The following CYFIP1 variants were observed in gnomAD, a reference collection of about 807,000 sequenced individuals.
The protein encoded by CYFIP1 is cytoplasmic FMR1-interacting protein 1.
In CYFIP1, 58 loss-of-function variants were observed where a neutral mutation model predicts 163.5. The ratio of observed to expected loss-of-function variants is 0.35; its 90% confidence interval spans 0.29 to 0.44. The LOEUF (loss-of-function observed/expected upper bound fraction) is 0.44. Ranked by LOEUF, CYFIP1 falls within the 20% of genes least tolerant of loss-of-function variation. The pLI, the probability that CYFIP1 is intolerant of heterozygous loss-of-function variation, is 1.00. For missense variants in CYFIP1, 1,338 were observed against 1,653.8 expected (o/e 0.81, Z 3.31); for synonymous variants, 663 against 660.7 (o/e 1.00, Z -0.05).
intron 25 of CYFIP1, among the ~76,000 whole-genome samples, chr15:22,880,894 C>T (rs970695200): frequency 6.6e-6 from 1 of 152,290 alleles, no homozygotes; most frequent in East Asian, 1.9e-4. Context: ...GCAAGCTTTC[C>T]CTGTACCACA....
intron 20 of CYFIP1, among the ~76,000 whole-genome samples, chr15:22,909,604 C>T (rs957052018): frequency 6.6e-6 from 1 of 152,032 alleles, no homozygotes; most frequent in Admixed American, 6.6e-5. Flanking sequence ...TGAAAATGTC[C>T]AAAAATGTGC....
intron 1 of CYFIP1, chr15:22,947,939 C>T (rs2062115659): frequency 2.0e-6 from 2 of 985,424 alleles, no homozygotes; most frequent in Non-Finnish European, 2.4e-6. Flanking sequence ...GGAGAGGGGG[C>T]AATCTGCCTT....
chr15:22,928,937 G>A (rs1233590634), intron 11 of CYFIP1, among the ~76,000 whole-genome samples: 1 of 151,764 alleles, frequency 6.6e-6, no homozygotes, highest in Non-Finnish European at 1.5e-5. Flanking sequence ...TCTGAGTGAG[G>A]GGCCCGGTGC....
At chr15:22,890,591 T>G (rs1346988176) in intron 23 of CYFIP1, among the ~76,000 whole-genome samples, 1 of 152,184 alleles carries the variant, frequency 6.6e-6, no homozygotes, top group Non-Finnish European at 1.5e-5. Context: ...ACACGAACTG[T>G]GTGTCCACTC....
In CYFIP1 at chr15:22,917,650, A is replaced by G. The variant is rs1595596708; in HGVS notation, c.1674+138T>C. 3 of 1,086,302 alleles carry G rather than the reference A, an allele frequency of 2.8e-6. No individual in the cohort carries two copies. Among genetic ancestry groups the G allele is most frequent in the South Asian group, 3.4e-5 (2 of 59,172 alleles). 67.3% of individuals were successfully genotyped at this position (1,086,302 alleles called of 1,614,324 possible). On this transcript the variant is annotated intron_variant, in intron 15 of 30. Transcript: ENST00000617928. This position sits in a 1 kb window ranked among gnomAD's most constrained non-coding sequence, Gnocchi z 4.2. The stretch of plus-strand genomic sequence containing the variant: ...GGGTGGGAAACAGAGGAGCAGCAGA[A>G]ACCACAGGCGCCACTTTCTCTGCCT...
chr15:22,969,885 A>C (rs1254905041), intron 1 of CYFIP1, among the ~76,000 whole-genome samples: 1 of 152,210 alleles, frequency 6.6e-6, no homozygotes, highest in African/African-American at 2.4e-5. Context: ...TATTAGACAA[A>C]ACAGACCTGC....
chr15:22,923,099 A>AC (rs1216564398), intron 13 of CYFIP1, among the ~76,000 whole-genome samples: 15 of 152,314 alleles, frequency 9.8e-5, no homozygotes, highest in African/African-American at 3.6e-4. Context: ...ATAAGCAACG[A>AC]AAGAAAAACA....
intron 23 of CYFIP1, among the ~76,000 whole-genome samples, chr15:22,892,060 G>A (rs913028665): frequency 2.6e-5 from 4 of 152,182 alleles, no homozygotes. Context: ...GGACACCGCA[G>A]CTCGCAGAGG....
chr15:22,895,873 G>C (rs1184021284), intron 22 of CYFIP1, among the ~76,000 whole-genome samples: 2 of 152,220 alleles, frequency 1.3e-5, no homozygotes, highest in East Asian at 3.8e-4. Flanking sequence ...TCCCACCTCA[G>C]AGCTCGGAGG....
intron 28 of CYFIP1, 90 bp from the exon 29 acceptor site, chr15:22,873,819 T>C: frequency 8.5e-7 from 1 of 1,183,384 alleles, no homozygotes; most frequent in Non-Finnish European, 1.2e-6. Flanking sequence ...TGAGACAGGG[T>C]CTTGCTCTGC....
chr15:22,883,803 C>T (rs147652552), intron 23 of CYFIP1, among the ~76,000 whole-genome samples: 2,163 of 116,254 alleles, frequency 0.019, 19 homozygotes, highest in Middle Eastern at 0.026. Context: ...GGTGACAGAA[C>T]GAGACTTCAT....
intron 18 of CYFIP1, 34 bp from the exon 19 acceptor site, chr15:22,910,847 T>C (rs773203218): frequency 8.3e-6 from 13 of 1,560,370 alleles, no homozygotes; most frequent in Non-Finnish European, 1.1e-5. Context: ...TACAGTTTGA[T>C]TCCCTAAAGC....
intron 30 of CYFIP1, among the ~76,000 whole-genome samples, chr15:22,871,396 CTAA>C (rs2059429952): frequency 6.6e-6 from 1 of 152,156 alleles, no homozygotes; most frequent in Non-Finnish European, 1.5e-5. Flanking sequence ...AAAAAGTGAA[CTAA>C]TAATATTTTC....
chr15:22,951,401 C>G, intron 1 of CYFIP1: 4 of 1,288,706 alleles, frequency 3.1e-6, no homozygotes, highest in Non-Finnish European at 4.0e-6. Context: ...GTGCAGGGTC[C>G]AGCCCCAGCG....
intron 17 of CYFIP1, among the ~76,000 whole-genome samples, chr15:22,913,436 G>A (rs1390530097): frequency 1.4e-5 from 2 of 141,226 alleles, no homozygotes; most frequent in African/African-American, 5.3e-5. Flanking sequence ...GCTGAGGCCG[G>A]AGAATTGCTT....
chr15:22,925,870 A>G (rs938710814), intron 13 of CYFIP1, 112 bp downstream of exon 13: 1 of 1,471,146 alleles, frequency 6.8e-7, no homozygotes, highest in Middle Eastern at 1.8e-4. Flanking sequence ...AGGGGTGCCC[A>G]CACAGAAGCA....
At chr15:22,936,766 A>G (rs1566997986) in intron 9 of CYFIP1, among the ~76,000 whole-genome samples, 2 of 152,216 alleles carry the variant, frequency 1.3e-5, no homozygotes, top group South Asian at 2.1e-4. Context: ...TAGTCATCAG[A>G]TAGAAAACTA....
rs377259642 is a variant in CYFIP1 at position 22,870,097 on chromosome 15, C to T, written c.3693G>A (p.Gly1231=). ...ILDKYLKSGD[G]EGTPVEHVRC... ...GCACATGCTCCACTGGCGTGCCCTC[C>T]CCGTCGCCTGACTTCAGGTACTTAT... Residue 1231 remains glycine, a synonymous_variant, in exon 31 of 31, where the codon GGG becomes GGA. Transcript: ENST00000617928. 1.6e-5 allele frequency: 26 copies of T among 1,612,928 alleles called. No individual in the cohort carries two copies. The African/African-American group carries it at 2.7e-4, about 17-fold the overall frequency.
intron 13 of CYFIP1, among the ~76,000 whole-genome samples, chr15:22,925,329 G>C (rs774750606): frequency 6.6e-6 from 1 of 152,182 alleles, no homozygotes; most frequent in African/African-American, 2.4e-5. Context: ...GCTACAGAGT[G>C]GTGCTGGGAT....
Sources: gnomAD v4.1 joint callset for allele counts (sites outside exome capture counted in the v4.1 genomes callset) on GRCh38, gnomAD v4.1.1 for gene constraint, Gnocchi (gnomAD v3.1) non-coding constraint, MANE v1.5 for transcripts, NCBI Gene and HGNC (gene_info 2026-07-23, HGNC 2026-07-21) for gene names.